The following CACNB4 variants were observed in gnomAD, a reference collection of about 807,000 sequenced individuals.
The protein encoded by CACNB4 is calcium voltage-gated channel auxiliary subunit beta 4, also known as voltage-dependent L-type calcium channel subunit beta-4.
CACNB4 carries 32 observed loss-of-function variants against 71.2 expected under a neutral mutation model. The observed-to-expected ratio is 0.45, with a 90% confidence interval of 0.34 to 0.60. The LOEUF is 0.60. CACNB4 is among the 20% of genes least tolerant of loss of function. The pLI is 0.01. For missense variants in CACNB4, 464 were observed against 647.9 expected (o/e 0.72, Z 3.08); for synonymous variants, 231 against 236.9 (o/e 0.97, Z 0.23).
At chr2:152,048,674 C>A (rs1685259866) in intron 2 of CACNB4, 1 of 152,302 alleles carries the variant, frequency 6.6e-6, no homozygotes, top group East Asian at 1.9e-4. Flanking sequence ...CAGGACCTGG[C>A]CTGCACCCAT....
At chr2:151,900,269 G>A (rs995135870) in intron 2 of CACNB4, among the ~76,000 whole-genome samples, 1 of 152,184 alleles carries the variant, frequency 6.6e-6, no homozygotes, top group East Asian at 1.9e-4. Flanking sequence ...AGGCAGTTCA[G>A]TGCTGAACTA....
intron 8 of CACNB4, chr2:151,870,172 T>G: frequency 1.5e-6 from 1 of 648,350 alleles, no homozygotes; most frequent in Non-Finnish European, 2.8e-6. Flanking sequence ...ATTGATTGTT[T>G]GTCCTCTTGT....
intron 2 of CACNB4, among the ~76,000 whole-genome samples, chr2:151,940,378 T>C (rs767949551): frequency 3.3e-5 from 5 of 151,986 alleles, no homozygotes; most frequent in Non-Finnish European, 5.9e-5. Flanking sequence ...AAGAGAGAAA[T>C]GACATGAGCA....
intron 2 of CACNB4, among the ~76,000 whole-genome samples, chr2:151,930,758 C>T (rs532541148): frequency 1.2e-4 from 18 of 151,810 alleles, no homozygotes; most frequent in African/African-American, 3.9e-4. Flanking sequence ...TTTTTTAAAC[C>T]CATTTATTTT....
intron 2 of CACNB4, among the ~76,000 whole-genome samples, chr2:152,046,295 G>GA (rs1316955339): frequency 6.6e-6 from 1 of 152,102 alleles, no homozygotes; most frequent in Non-Finnish European, 1.5e-5. Context: ...TTCCTTCCTG[G>GA]AAAAAGACAG....
At chr2:151,848,404 G>A (rs996504248) in intron 12 of CACNB4, among the ~76,000 whole-genome samples, 2 of 152,178 alleles carry the variant, frequency 1.3e-5, no homozygotes, top group Admixed American at 6.5e-5. Flanking sequence ...ATGCACCAAT[G>A]AGGAGAGCAC....
At position 152,015,138 on chromosome 2, in the gene CACNB4, A is replaced by AT. The variant is rs917236829; in HGVS notation, c.147+83191dup. Among the ~76,000 whole-genome samples, 398 of 146,648 alleles carry AT rather than the reference A, an allele frequency of 2.7e-3. 2 individuals are homozygous for AT. Among genetic ancestry groups the AT allele is most frequent in the African/African-American group, 8.1e-3 (325 of 40,278 alleles). ...CCCCTCAACCAGCACCTCTAAAACA[A>AT]TTTTTTTTTTTTGAGATGGAGTCTC... On this transcript the variant is annotated intron_variant, in intron 2 of 13. Coordinates refer to ENST00000539935, the MANE Select transcript of CACNB4 (RefSeq NM_000726.5).
At chr2:152,030,728 G>A (rs1395052799) in intron 2 of CACNB4, among the ~76,000 whole-genome samples, 1 of 152,234 alleles carries the variant, frequency 6.6e-6, no homozygotes, top group African/African-American at 2.4e-5. Flanking sequence ...ATAGTTTGCT[G>A]AGAATGATGG....
chr2:151,880,545 T>C (rs369055955), intron 4 of CACNB4: 36 of 474,772 alleles, frequency 7.6e-5, no homozygotes, highest in Admixed American at 1.6e-4. Flanking sequence ...CAGAGGACCA[T>C]AGAGGTCTGT....
chr2:151,891,431 G>A (rs565047303), intron 2 of CACNB4, among the ~76,000 whole-genome samples: 23 of 152,248 alleles, frequency 1.5e-4, no homozygotes, highest in Admixed American at 1.1e-3. Flanking sequence ...TGGTAATGAT[G>A]GTAGCAAGAG....
chr2:151,993,587 C>T (rs573571610), intron 2 of CACNB4, among the ~76,000 whole-genome samples: 25 of 135,802 alleles, frequency 1.8e-4, no homozygotes, highest in South Asian at 1.2e-3. Flanking sequence ...TTTTTTGAGA[C>T]GGAGTCTTGC....
intron 2 of CACNB4, among the ~76,000 whole-genome samples, chr2:151,897,340 A>G (rs1290636349): frequency 6.6e-6 from 1 of 152,202 alleles, no homozygotes; most frequent in Non-Finnish European, 1.5e-5. Context: ...TGGTGATGGA[A>G]TCGGTCATTT....
intron 2 of CACNB4, among the ~76,000 whole-genome samples, chr2:152,004,905 C>G (rs1682638287): frequency 6.6e-6 from 1 of 152,172 alleles, no homozygotes. Context: ...TTAAGGAGCA[C>G]TGGGTAGTGA....
At chr2:151,982,469 T>C (rs1415861787) in intron 2 of CACNB4, among the ~76,000 whole-genome samples, 4 of 151,844 alleles carry the variant, frequency 2.6e-5, no homozygotes, top group Non-Finnish European at 2.9e-5. Flanking sequence ...CTGTCTCTAC[T>C]AAAAATACAA....
chr2:152,055,555 C>T (rs1318538267), intron 2 of CACNB4, among the ~76,000 whole-genome samples: 1 of 152,204 alleles, frequency 6.6e-6, no homozygotes, highest in Non-Finnish European at 1.5e-5. Flanking sequence ...CCACACAGCC[C>T]ACAGGCAATG....
chr2:151,990,293 G>T (rs764543642), intron 2 of CACNB4, among the ~76,000 whole-genome samples: 1 of 152,164 alleles, frequency 6.6e-6, no homozygotes, highest in African/African-American at 2.4e-5. Context: ...AGGCTTCTGA[G>T]CACATTGAAC....
At chr2:151,848,626 G>A (rs2099838217) in intron 12 of CACNB4, among the ~76,000 whole-genome samples, 1 of 152,166 alleles carries the variant, frequency 6.6e-6, no homozygotes, top group South Asian at 2.1e-4. Context: ...CATGGTTACT[G>A]TAACATTAGA....
intron 2 of CACNB4, among the ~76,000 whole-genome samples, chr2:151,886,077 T>G (rs1375906145): frequency 2.0e-5 from 3 of 152,166 alleles, no homozygotes; most frequent in African/African-American, 7.2e-5. Flanking sequence ...CCTCCCAAAG[T>G]GCTGGGATTA....
chr2:152,022,309 C>T (rs1274543658), intron 2 of CACNB4, among the ~76,000 whole-genome samples: 2 of 152,140 alleles, frequency 1.3e-5, no homozygotes, highest in Non-Finnish European at 2.9e-5. Context: ...ATACTCAGCC[C>T]GTAGCCATCA....
Sources: gnomAD v4.1 joint callset for allele counts (sites outside exome capture counted in the v4.1 genomes callset) on GRCh38, gnomAD v4.1.1 for gene constraint, MANE v1.5 for transcripts, NCBI Gene and HGNC (gene_info 2026-07-23, HGNC 2026-07-21) for gene names.